Variants in C2orf49 observed in about 807,000 individuals in gnomAD.
C2orf49 encodes tRNA-splicing ligase complex subunit ASW.
Under a neutral mutation model 20.6 loss-of-function variants are expected in C2orf49, and 11 were observed. That is an observed-to-expected ratio of 0.53 (90% confidence interval 0.34 to 0.88). The LOEUF is 0.88. Ranked by LOEUF, C2orf49 falls within the 40% of genes least tolerant of loss-of-function variation. C2orf49 has a pLI of 0.02. For synonymous variants in C2orf49, 134 were observed against 108.5 expected (o/e 1.24, Z -1.46); for missense variants, 289 against 274.2 (o/e 1.05, Z -0.38).
At chr2:105,343,244 C>A in intron 3 of C2orf49, 21 bp downstream of exon 3, 1 of 1,543,780 alleles carries the variant, frequency 6.5e-7, no homozygotes, top group South Asian at 1.2e-5. Flanking sequence ...GGGTGGTTTC[C>A]ATGCTGGTAA....
chr2:105,363,133 A>G, the C2orf49 span: 1 of 664,052 alleles, frequency 1.5e-6, no homozygotes, highest in Non-Finnish European at 2.6e-6. Context: ...TGCACCAAGG[A>G]GAGGAAAGCA....
At chr2:105,376,662 A>T in the C2orf49 span, 2 of 152,248 alleles carry the variant, frequency 1.3e-5, no homozygotes, top group African/African-American at 4.8e-5. Context: ...GTACTTTTGG[A>T]TATATACCCA....
intron 2 of C2orf49, 122 bp from the exon 3 acceptor site, chr2:105,342,726 A>G: frequency 2.2e-6 from 2 of 904,692 alleles, no homozygotes; most frequent in Non-Finnish European, 3.2e-6. Context: ...TTCATTTTTA[A>G]TAGTCTCAGA....
At chr2:105,337,766 C>T (rs1679542042) in intron 1 of C2orf49, 80 bp downstream of exon 1, 2 of 1,296,322 alleles carry the variant, frequency 1.5e-6, no homozygotes, top group Non-Finnish European at 2.1e-6. Flanking sequence ...CTTAAGTAGC[C>T]CTCGGCAACC....
the C2orf49 span, among the ~76,000 whole-genome samples, chr2:105,355,153 A>G: frequency 6.6e-6 from 1 of 152,196 alleles, no homozygotes; most frequent in African/African-American, 2.4e-5. Flanking sequence ...ATAAGTGTGA[A>G]TTAGAAATAC....
chr2:105,353,339 T>G (rs1679981257), downstream of C2orf49, among the ~76,000 whole-genome samples: 1 of 152,198 alleles, frequency 6.6e-6, no homozygotes, highest in South Asian at 2.1e-4. Flanking sequence ...GTGAGTAAAA[T>G]GCATAAATGC....
intron 2 of C2orf49, among the ~76,000 whole-genome samples, chr2:105,341,851 A>G (rs1679679052): frequency 6.6e-6 from 1 of 152,166 alleles, no homozygotes; most frequent in Admixed American, 6.5e-5. Context: ...ATAACTGGCT[A>G]TCTCAGATTC....
At chr2:105,338,714 C>T (rs1223346388) in intron 1 of C2orf49, among the ~76,000 whole-genome samples, 1 of 152,024 alleles carries the variant, frequency 6.6e-6, no homozygotes, top group African/African-American at 2.4e-5. Flanking sequence ...GTCTAATATA[C>T]GAAAGAGAAG....
the C2orf49 span, chr2:105,367,786 G>GT: frequency 2.6e-6 from 4 of 1,564,988 alleles, no homozygotes; most frequent in African/African-American, 5.4e-5. Context: ...GGTTAGAGGG[G>GT]TGTGGAGTCC....
chr2:105,339,653 C>T lies in C2orf49; in HGVS notation c.170C>T (p.Ala57Val). 1 of 1,609,092 alleles carries T rather than the reference C, an allele frequency of 6.2e-7. No individual in the cohort carries two copies. Among genetic ancestry groups the T allele is most frequent in the South Asian group, 1.1e-5 (1 of 89,688 alleles). ...CTTACTGACCTTTATGTCCAACATG[C>T]AATACCATTGCCTCAGAGGGATTTG... Reference protein sequence around the residue: ...DSLTDLYVQHAIPLPQRDLPK... With the variant: ...DSLTDLYVQHVIPLPQRDLPK... Residue 57 changes from alanine to valine, a missense_variant, in exon 2 of 4, where the codon GCA (alanine) becomes GTA (valine). Coordinates refer to ENST00000258457, the MANE Select transcript of C2orf49 (RefSeq NM_024093.3).
chr2:105,340,169 A>G (rs1437204635), intron 2 of C2orf49, among the ~76,000 whole-genome samples: 1 of 152,222 alleles, frequency 6.6e-6, no homozygotes, highest in African/African-American at 2.4e-5. Flanking sequence ...TCAGGGCTGG[A>G]TGGAGAAGTA....
At chr2:105,366,919 T>C in the C2orf49 span, among the ~76,000 whole-genome samples, 1 of 152,102 alleles carries the variant, frequency 6.6e-6, no homozygotes, top group Non-Finnish European at 1.5e-5. Context: ...CTAAGTTGTG[T>C]ATTTTTAGTA....
chr2:105,384,307 A>C, the C2orf49 span, among the ~76,000 whole-genome samples: 1 of 152,230 alleles, frequency 6.6e-6, no homozygotes, highest in South Asian at 2.1e-4. Context: ...TCCAAAATGA[A>C]AAGCGACAAA....
chr2:105,382,440 C>G, the C2orf49 span, among the ~76,000 whole-genome samples: 1 of 152,240 alleles, frequency 6.6e-6, no homozygotes, highest in East Asian at 1.9e-4. Context: ...AATTGTACCT[C>G]GGATACTTCC....
intron 3 of C2orf49, 137 bp downstream of exon 3, chr2:105,343,360 A>G (rs1307689053): frequency 1.6e-5 from 11 of 698,288 alleles, no homozygotes; most frequent in Non-Finnish European, 2.4e-5. Flanking sequence ...TTTGTATAAT[A>G]CAACTTATTA....
the C2orf49 span, chr2:105,373,606 T>A: frequency 3.1e-6 from 5 of 1,614,178 alleles, no homozygotes; most frequent in Non-Finnish European, 4.2e-6. Flanking sequence ...TGAGTACTCG[T>A]TGGAATAGCA....
chr2:105,368,827 A>G, the C2orf49 span, among the ~76,000 whole-genome samples: 1 of 152,242 alleles, frequency 6.6e-6, no homozygotes, highest in Non-Finnish European at 1.5e-5. Context: ...GGAAATAAGT[A>G]TCAGGGACAA....
chr2:105,365,297 T>G, the C2orf49 span, among the ~76,000 whole-genome samples: 128 of 152,240 alleles, frequency 8.4e-4, 1 homozygote, highest in Non-Finnish European at 1.5e-3. Flanking sequence ...GTTAAGTGTC[T>G]GCATCTTGTC....
the C2orf49 span, among the ~76,000 whole-genome samples, chr2:105,370,998 A>C: frequency 2.6e-5 from 4 of 152,182 alleles, no homozygotes. Flanking sequence ...TGCTTCCCCC[A>C]TTCCTTAGTA....
Sources: allele counts gnomAD v4.1 joint callset (sites outside exome capture counted in the v4.1 genomes callset), GRCh38; gene constraint gnomAD v4.1.1; transcripts MANE v1.5; gene names NCBI Gene and HGNC (gene_info 2026-07-23, HGNC 2026-07-21).